LIPI: variants seen among roughly 807,000 people sequenced by gnomAD.
LIPI encodes the protein lipase member I.
A neutral mutation model predicts 50.6 loss-of-function variants in LIPI; 59 were observed. That is an observed-to-expected ratio of 1.16 (90% CI 0.94 to 1.45). The LOEUF (loss-of-function observed/expected upper bound fraction) is 1.45. Ranked by LOEUF, LIPI falls within the 40% of genes most tolerant of loss-of-function variation. The pLI, the probability that LIPI is intolerant of heterozygous loss-of-function variation, is 0.00. For missense variants in LIPI, 586 were observed against 536.3 expected, an observed-to-expected ratio of 1.09 and a Z score of -0.92; for synonymous variants, 203 against 178.2, an observed-to-expected ratio of 1.14 and a Z score of -1.11.
At chr21:14,157,006 G>C (rs2018297490) in intron 7 of LIPI, among the ~76,000 whole-genome samples, 1 of 151,880 alleles carries the variant, frequency 6.6e-6, no homozygotes, top group South Asian at 2.1e-4. Flanking sequence ...GTGGCAGGTA[G>C]CTTAGTGGAA....
chr21:14,110,006 A>G (rs2016338427), intron 9 of LIPI, among the ~76,000 whole-genome samples: 3 of 152,084 alleles, frequency 2.0e-5, no homozygotes, highest in Admixed American at 6.6e-5. Context: ...AATATTATGT[A>G]TCTATCTTTC....
intron 7 of LIPI, among the ~76,000 whole-genome samples, chr21:14,157,723 C>A (rs1477178086): frequency 6.6e-6 from 1 of 151,788 alleles, no homozygotes; most frequent in Non-Finnish European, 1.5e-5. Flanking sequence ...GACCAACATG[C>A]GAAGCCATGA....
At chr21:14,131,528 T>C (rs1364473257) in intron 9 of LIPI, among the ~76,000 whole-genome samples, 3 of 152,146 alleles carry the variant, frequency 2.0e-5, no homozygotes, top group Non-Finnish European at 1.5e-5. Flanking sequence ...TATATCCTAC[T>C]CAACCAACAA....
chr21:14,112,440 T>C (rs1466459393), intron 9 of LIPI, among the ~76,000 whole-genome samples: 1 of 152,152 alleles, frequency 6.6e-6, no homozygotes, highest in Non-Finnish European at 1.5e-5. Flanking sequence ...ATGGACATTT[T>C]TAACAATATT....
intron 9 of LIPI, among the ~76,000 whole-genome samples, chr21:14,131,624 AT>A (rs1287151907): frequency 1.3e-5 from 2 of 152,214 alleles, no homozygotes; most frequent in Non-Finnish European, 2.9e-5. Context: ...AGATGTGTAG[AT>A]ATCAGTAGAA....
At chr21:14,120,261 C>T (rs534352769) in intron 9 of LIPI, among the ~76,000 whole-genome samples, 1 of 152,294 alleles carries the variant, frequency 6.6e-6, no homozygotes, top group East Asian at 1.9e-4. Flanking sequence ...TCACATTAAG[C>T]TCGGTGGCCA....
At chr21:14,119,497 C>T (rs11909528) in intron 9 of LIPI, among the ~76,000 whole-genome samples, 4,147 of 152,218 alleles carry the variant, frequency 0.027, 184 homozygotes, top group African/African-American at 0.091. Flanking sequence ...GCGGCAAGTG[C>T]GGGAATTCCT....
At chr21:14,174,124 T>A (rs79995355) in intron 4 of LIPI, among the ~76,000 whole-genome samples, 1 of 152,112 alleles carries the variant, frequency 6.6e-6, no homozygotes, top group African/African-American at 2.4e-5. Context: ...AACCTGCCAC[T>A]GAAGGAGACT....
chr21:14,180,706 G>T (rs2019241766), intron 4 of LIPI, among the ~76,000 whole-genome samples: 1 of 152,194 alleles, frequency 6.6e-6, no homozygotes, highest in African/African-American at 2.4e-5. Context: ...GGTTTTGACT[G>T]CTTATAGAAG....
rs574370678 is a variant in LIPI at position 14,179,274 on chromosome 21, G to A, written c.643+2484C>T. 4.0e-5 allele frequency among the ~76,000 whole-genome samples: 6 copies of A among 151,882 alleles called. No homozygotes were observed. In the East Asian group the frequency reaches 7.7e-4, roughly 20 times the overall value. The stretch of plus-strand genomic sequence containing the variant: ...GATGTGGTCATTATCTAGTATTCAA[G>A]GAAAAGGCAGTTCACCAGGTATGTG... On this transcript the variant is annotated intron_variant, in intron 4 of 9. Coordinates refer to ENST00000681601, the MANE Select transcript of LIPI (RefSeq NM_001302998.2).
chr21:14,186,634 C>T (rs982122683), intron 2 of LIPI, among the ~76,000 whole-genome samples: 14 of 152,092 alleles, frequency 9.2e-5, no homozygotes, highest in Non-Finnish European at 1.5e-4. Flanking sequence ...TTTGTGTCTC[C>T]CTAAAATTCA....
At chr21:14,164,927 ATAGT>A (rs762746155) in intron 6 of LIPI, among the ~76,000 whole-genome samples, 5 of 152,320 alleles carry the variant, frequency 3.3e-5, no homozygotes, top group East Asian at 3.9e-4. Context: ...TAGTTGGATG[ATAGT>A]TAGATATTTT....
intron 9 of LIPI, among the ~76,000 whole-genome samples, chr21:14,126,413 A>C (rs2017067960): frequency 6.6e-6 from 1 of 152,208 alleles, no homozygotes; most frequent in African/African-American, 2.4e-5. Context: ...TTTTATATGT[A>C]TATGGTTAAG....
intron 9 of LIPI, among the ~76,000 whole-genome samples, chr21:14,140,930 G>C (rs2017683747): frequency 6.6e-6 from 1 of 152,078 alleles, no homozygotes; most frequent in South Asian, 2.1e-4. Context: ...ATTTTGACTG[G>C]AGTCATGTTA....
At chr21:14,209,263 A>G (rs1696168829) in intron 1 of LIPI, among the ~76,000 whole-genome samples, 1 of 152,188 alleles carries the variant, frequency 6.6e-6, no homozygotes. Flanking sequence ...ACAATTTTTA[A>G]AAACACCTGA....
In LIPI at chr21:14,145,157, C is replaced by T. The variant is rs144195749; in HGVS notation, c.1119-358G>A. ...TTCCTTAAATAGACTAGGTGCTTAA[C>T]GGACAACTTAAAAATATTTTATCAA... On this transcript the variant is annotated intron_variant, in intron 8 of 9. Coordinates refer to ENST00000681601, the MANE Select transcript of LIPI (RefSeq NM_001302998.2). 6.6e-3 allele frequency among the ~76,000 whole-genome samples: 664 copies of T among 100,290 alleles called. 5 individuals carry two copies. Among genetic ancestry groups the T allele is most frequent in the African/African-American group, 0.024 (604 of 24,756 alleles). 65.8% of individuals were successfully genotyped at this position (100,290 alleles called of 152,430 possible).
intron 2 of LIPI, 94 bp downstream of exon 2, chr21:14,188,940 T>A (rs1288199126): frequency 9.5e-7 from 1 of 1,055,816 alleles, no homozygotes; most frequent in East Asian, 2.4e-5. Context: ...TAGTTTATTA[T>A]CACTTTGTGG....
chr21:14,117,227 C>G (rs2016681275), intron 9 of LIPI, among the ~76,000 whole-genome samples: 3 of 152,216 alleles, frequency 2.0e-5, no homozygotes, highest in Non-Finnish European at 4.4e-5. Flanking sequence ...CTACTACAGA[C>G]ATTTTCAACT....
chr21:14,186,022 T>G lies in LIPI; in HGVS notation c.480A>C (p.Leu160Phe). The G allele has an allele frequency of 1.2e-6, 2 of 1,607,724 alleles. No individual in the cohort carries two copies. Among genetic ancestry groups the G allele is most frequent in the Non-Finnish European group, 1.7e-6 (2 of 1,174,388 alleles). Residue 160 changes from leucine to phenylalanine, a missense_variant, in exon 3 of 10, where the codon TTA (leucine) becomes TTC (phenylalanine). Physicochemically the swap from Leu to Phe is conservative, Grantham distance 22 (BLOSUM62 0). Coordinates refer to ENST00000681601, the MANE Select transcript of LIPI (RefSeq NM_001302998.2). ...LDNFHFIGVS[L>F]GAHISGFVGK... ...CAACAAATCCACTGATATGAGCCCCTAAGCTCACACCTATGAAATGAAAAT... is the reference window on the plus strand; with the variant it reads ...CAACAAATCCACTGATATGAGCCCCGAAGCTCACACCTATGAAATGAAAAT...
Sources: gnomAD v4.1 joint callset for allele counts (sites outside exome capture counted in the v4.1 genomes callset) on GRCh38, gnomAD v4.1.1 for gene constraint, MANE v1.5 for transcripts, NCBI Gene and HGNC (gene_info 2026-07-23, HGNC 2026-07-21) for gene names.